Variants in VIT observed in about 807,000 individuals in gnomAD.
VIT encodes the protein vitrin.
VIT carries 99 observed loss-of-function variants against 78.0 expected under a neutral mutation model. The observed-to-expected ratio is 1.27, with a 90% confidence interval of 1.08 to 1.50. The LOEUF (loss-of-function observed/expected upper bound fraction) is 1.50, where lower values mean the gene tolerates loss of function less well. Ranked by LOEUF, VIT falls within the 40% of genes most tolerant of loss-of-function variation. The pLI is 0.00. For synonymous variants in VIT, 374 were observed against 334.3 expected (o/e 1.12, Z -1.29); for missense variants, 1,126 against 875.3 (o/e 1.29, Z -3.61).
chr2:36,744,412 A>C (rs537952072), intron 4 of VIT, among the ~76,000 whole-genome samples: 1 of 152,314 alleles, frequency 6.6e-6, no homozygotes, highest in Admixed American at 6.5e-5. Context: ...TGCTCTCCAC[A>C]TTGGCTGAAC....
chr2:36,791,223 G>C (rs1302227608), intron 12 of VIT, among the ~76,000 whole-genome samples: 1 of 152,226 alleles, frequency 6.6e-6, no homozygotes, highest in East Asian at 1.9e-4. Flanking sequence ...CTCTGACTTG[G>C]CCGCATCTCC....
At chr2:36,792,371 C>G (rs1332007538) in intron 12 of VIT, among the ~76,000 whole-genome samples, 1 of 152,068 alleles carries the variant, frequency 6.6e-6, no homozygotes, top group African/African-American at 2.4e-5. Flanking sequence ...GCCCAAGAAT[C>G]ATAAGATTCT....
Position 36,740,216 on chromosome 2 carries a change from G to C in VIT, c.119-2884G>C, listed in dbSNP as rs549980471. ...AGGAAGAAAGGAAAACCTAAGCTGC[G>C]AGCACTGAATAGTTCAAAGACCTTC... is the stretch of plus-strand genomic sequence containing the variant. On this transcript the variant is annotated intron_variant, in intron 3 of 15. Coordinates refer to ENST00000379242, the MANE Select transcript of VIT (RefSeq NM_053276.4). Among the ~76,000 whole-genome samples the C allele has an allele frequency of 2.3e-4, 35 of 152,264 alleles. No individual in the cohort carries two copies. In the East Asian group the frequency reaches 3.3e-3, roughly 14 times the overall value.
chr2:36,812,501 G>A (rs1404032464), intron 15 of VIT, among the ~76,000 whole-genome samples: 1 of 152,098 alleles, frequency 6.6e-6, no homozygotes, highest in African/African-American at 2.4e-5. Flanking sequence ...CAGTCTCCCA[G>A]TTTTCCCACT....
intron 7 of VIT, among the ~76,000 whole-genome samples, chr2:36,769,140 C>G (rs184991989): frequency 6.6e-6 from 1 of 152,172 alleles, no homozygotes; most frequent in Non-Finnish European, 1.5e-5. Flanking sequence ...CAGAAGTTCT[C>G]CTTTCTAAAA....
intron 12 of VIT, among the ~76,000 whole-genome samples, chr2:36,793,404 G>C (rs1394382196): frequency 3.9e-5 from 6 of 152,180 alleles, no homozygotes; most frequent in Admixed American, 1.3e-4. Flanking sequence ...CATTCATCGA[G>C]GGCTAGTTGT....
At chr2:36,748,119 T>C (rs1008251499) in intron 4 of VIT, among the ~76,000 whole-genome samples, 1 of 152,214 alleles carries the variant, frequency 6.6e-6, no homozygotes, top group African/African-American at 2.4e-5. Flanking sequence ...GTTCCCTTTG[T>C]AGGTGGTCTG....
At chr2:36,734,720 CTTTCCCTTCTT>C (rs1479765145) in intron 3 of VIT, among the ~76,000 whole-genome samples, 3 of 152,164 alleles carry the variant, frequency 2.0e-5, no homozygotes, top group African/African-American at 7.2e-5. Context: ...CTCCTCTCTA[CTTTCCCTTCTT>C]TTTCACTTCT....
In VIT at chr2:36,743,563, C is replaced by T. The variant is rs368197999; in HGVS notation, c.275+307C>T. Among the ~76,000 whole-genome samples the T allele has an allele frequency of 6.6e-5, 10 of 152,184 alleles. No individual in the cohort carries two copies. The South Asian group carries it at 1.5e-3, about 22-fold the overall frequency. On this transcript the variant is annotated intron_variant, in intron 4 of 15. Coordinates refer to ENST00000379242, the MANE Select transcript of VIT (RefSeq NM_053276.4). ...ATAATGTGTCATTTTCCTTTGGTTA[C>T]TTTTAAGATTTTCTCTTTATCATTT...
At chr2:36,752,609 TGA>T (rs1024289750) in intron 4 of VIT, among the ~76,000 whole-genome samples, 2 of 152,254 alleles carry the variant, frequency 1.3e-5, no homozygotes, top group Non-Finnish European at 2.9e-5. Flanking sequence ...ACCATGGCTC[TGA>T]GCCCCCATCT....
chr2:36,814,580 C>A lies in VIT; in HGVS notation c.*219C>A. The A allele has an allele frequency of 1.8e-6, 1 of 555,238 alleles. No individual in the cohort carries two copies. Among genetic ancestry groups the A allele is most frequent in the Non-Finnish European group, 3.1e-6 (1 of 326,718 alleles). 34.4% of individuals were successfully genotyped at this position (555,238 alleles called of 1,614,324 possible). On this transcript the variant is annotated 3_prime_UTR_variant, in exon 16 of 16. Coordinates refer to ENST00000379242, the MANE Select transcript of VIT (RefSeq NM_053276.4). ...TATAGAATGAGCCAAAAGGCTACATCATGTTGAGGGTGCTGGAGATTTTAC... is the reference window on the plus strand; with the variant it reads ...TATAGAATGAGCCAAAAGGCTACATAATGTTGAGGGTGCTGGAGATTTTAC...
chr2:36,727,373 T>G (rs1666920838), intron 2 of VIT, among the ~76,000 whole-genome samples: 1 of 152,232 alleles, frequency 6.6e-6, no homozygotes, highest in African/African-American at 2.4e-5. Flanking sequence ...CATGCAGTTC[T>G]CTGGCTATTT....
chr2:36,753,880 T>G (rs1383592076), intron 4 of VIT, among the ~76,000 whole-genome samples: 3 of 152,190 alleles, frequency 2.0e-5, no homozygotes, highest in Non-Finnish European at 2.9e-5. Flanking sequence ...AACTGAGGAC[T>G]TAAGGTGAGT....
chr2:36,716,202 C>T (rs1223511207), intron 1 of VIT, among the ~76,000 whole-genome samples, 151 bp from the exon 2 acceptor site: 3 of 152,192 alleles, frequency 2.0e-5, no homozygotes, highest in Non-Finnish European at 2.9e-5. Flanking sequence ...CCACTGACAT[C>T]TCTATGTGCT....
intron 12 of VIT, among the ~76,000 whole-genome samples, chr2:36,792,770 C>A (rs1168201523): frequency 1.3e-5 from 2 of 152,178 alleles, no homozygotes; most frequent in African/African-American, 4.8e-5. Context: ...CCCAGTGACC[C>A]CTGACCCCCA....
At chr2:36,779,582 C>T (rs1387261597) in intron 9 of VIT, among the ~76,000 whole-genome samples, 2 of 152,038 alleles carry the variant, frequency 1.3e-5, no homozygotes, top group Admixed American at 6.5e-5. Context: ...GGTATTAAAC[C>T]CAGCATCCAT....
chr2:36,802,044 A>G (rs1039863751), intron 13 of VIT, among the ~76,000 whole-genome samples: 1 of 152,216 alleles, frequency 6.6e-6, no homozygotes, highest in Non-Finnish European at 1.5e-5. Context: ...ATCTTGTTCC[A>G]ATCAACTACC....
chr2:36,733,350 CTCT>C, intron 3 of VIT, among the ~76,000 whole-genome samples: 1 of 151,252 alleles, frequency 6.6e-6, no homozygotes, highest in African/African-American at 2.4e-5. Flanking sequence ...CTCTCCCCCC[CTCT>C]CTCTCTCTCC....
intron 2 of VIT, among the ~76,000 whole-genome samples, chr2:36,725,684 G>C (rs1558517417): frequency 6.6e-6 from 1 of 151,980 alleles, no homozygotes; most frequent in Non-Finnish European, 1.5e-5. Flanking sequence ...TTAAACACTT[G>C]GTGGCATTGC....
Sources: gnomAD v4.1 joint callset for allele counts (sites outside exome capture counted in the v4.1 genomes callset) on GRCh38, gnomAD v4.1.1 for gene constraint, MANE v1.5 for transcripts, NCBI Gene and HGNC (gene_info 2026-07-23, HGNC 2026-07-21) for gene names.